Variants in PDCD6IP observed in about 807,000 individuals in gnomAD.
PDCD6IP encodes programmed cell death 6-interacting protein.
In PDCD6IP, 43 loss-of-function variants were observed where a neutral mutation model predicts 103.7. The ratio of observed to expected loss-of-function variants is 0.41; its 90% CI spans 0.32 to 0.53. PDCD6IP has a LOEUF of 0.53. PDCD6IP is among the 20% of genes least tolerant of loss of function. The pLI is 0.16. For missense variants in PDCD6IP, 871 were observed against 1,036.7 expected, an observed-to-expected ratio of 0.84 and a Z score of 2.20; for synonymous variants, 354 against 378.7, an observed-to-expected ratio of 0.93 and a Z score of 0.76.
intron 3 of PDCD6IP, among the ~76,000 whole-genome samples, chr3:33,816,397 C>G (rs186686182): frequency 6.7e-6 from 1 of 149,560 alleles, no homozygotes; most frequent in East Asian, 2.0e-4. Context: ...CCCAGCTACT[C>G]AGGAGGCTGA....
chr3:33,855,084 G>A, intron 14 of PDCD6IP, 82 bp from the exon 15 acceptor site: 1 of 810,506 alleles, frequency 1.2e-6, no homozygotes, highest in South Asian at 1.5e-5. Flanking sequence ...AACTATCATT[G>A]ACAAATTAGC....
chr3:33,833,337 CT>C (rs1282663964), intron 7 of PDCD6IP, among the ~76,000 whole-genome samples: 2 of 152,008 alleles, frequency 1.3e-5, no homozygotes, highest in Non-Finnish European at 2.9e-5. Context: ...AAAGTCCTCA[CT>C]TTGCATTTGA....
intron 7 of PDCD6IP, among the ~76,000 whole-genome samples, chr3:33,830,205 A>G (rs1198251595): frequency 6.6e-6 from 1 of 152,180 alleles, no homozygotes; most frequent in African/African-American, 2.4e-5. Context: ...AAATCAGAGA[A>G]AGTCTTTTTA....
intron 3 of PDCD6IP, among the ~76,000 whole-genome samples, chr3:33,816,599 G>C (rs1237942506): frequency 2.0e-5 from 3 of 151,824 alleles, no homozygotes; most frequent in Admixed American, 6.6e-5. Context: ...GAGTCATTGT[G>C]GCAGAACTCA....
chr3:33,829,388 A>G (rs1204237628), intron 7 of PDCD6IP, among the ~76,000 whole-genome samples: 1 of 152,134 alleles, frequency 6.6e-6, no homozygotes, highest in Admixed American at 6.5e-5. Context: ...GCCATGCTCC[A>G]GGAGTATGTG....
At chr3:33,863,851 C>A in intron 15 of PDCD6IP, 155 bp from the exon 16 acceptor site, 1 of 619,520 alleles carries the variant, frequency 1.6e-6, no homozygotes, top group Non-Finnish European at 2.9e-6. Flanking sequence ...TTTCCATAGT[C>A]ACTGTACTAA....
At chr3:33,805,520 G>A (rs368753339) in intron 1 of PDCD6IP, among the ~76,000 whole-genome samples, 1 of 151,002 alleles carries the variant, frequency 6.6e-6, no homozygotes, top group African/African-American at 2.4e-5. Context: ...CTGCAGCCTC[G>A]ATCTCCTGGG....
At chr3:33,839,728 T>G (rs1054780416) in intron 9 of PDCD6IP, among the ~76,000 whole-genome samples, 61 of 152,356 alleles carry the variant, frequency 4.0e-4, no homozygotes, top group Middle Eastern at 3.4e-3. Flanking sequence ...TCTGCACTGT[T>G]TGAAAATACA....
chr3:33,841,072 G>A (rs1275549879), intron 9 of PDCD6IP, among the ~76,000 whole-genome samples: 1 of 147,382 alleles, frequency 6.8e-6, no homozygotes, highest in East Asian at 2.0e-4. Flanking sequence ...CTGTCGCCCA[G>A]GCTGGAATGC....
chr3:33,823,435 C>G (rs943308317), intron 4 of PDCD6IP, among the ~76,000 whole-genome samples: 1 of 152,164 alleles, frequency 6.6e-6, no homozygotes, highest in Non-Finnish European at 1.5e-5. Context: ...GCATAGATGA[C>G]AAACATAATG....
intron 1 of PDCD6IP, among the ~76,000 whole-genome samples, chr3:33,811,376 G>T (rs1246616406): frequency 2.0e-5 from 3 of 152,308 alleles, no homozygotes; most frequent in African/African-American, 7.2e-5. Flanking sequence ...AAATACCCCT[G>T]ATGAAGGGGT....
intron 5 of PDCD6IP, 125 bp downstream of exon 5, chr3:33,825,465 T>C (rs1458484506): frequency 7.6e-6 from 6 of 792,264 alleles, no homozygotes; most frequent in Non-Finnish European, 1.1e-5. Flanking sequence ...ACATGAATTA[T>C]GGAAAATTTT....
intron 1 of PDCD6IP, among the ~76,000 whole-genome samples, chr3:33,803,823 TC>T (rs1291287746): frequency 6.6e-6 from 1 of 152,220 alleles, no homozygotes; most frequent in Non-Finnish European, 1.5e-5. Flanking sequence ...GTTCCTTTTT[TC>T]TATCTTTTTG....
intron 7 of PDCD6IP, among the ~76,000 whole-genome samples, chr3:33,835,499 T>C (rs1380891519): frequency 6.6e-6 from 1 of 152,206 alleles, no homozygotes; most frequent in Non-Finnish European, 1.5e-5. Flanking sequence ...GGCAGATCAC[T>C]TAAGATCAGG....
At chr3:33,859,418 G>A (rs557988364) in intron 15 of PDCD6IP, among the ~76,000 whole-genome samples, 19 of 151,904 alleles carry the variant, frequency 1.3e-4, no homozygotes, top group Admixed American at 3.3e-4. Context: ...GACAAATTGG[G>A]AATCCAATAT....
intron 3 of PDCD6IP, among the ~76,000 whole-genome samples, chr3:33,817,783 TAAAAG>T (rs1001983851): frequency 5.3e-5 from 8 of 151,076 alleles, no homozygotes; most frequent in South Asian, 2.1e-4. Context: ...AAGAAAAACT[TAAAAG>T]AGAGCAAGTA....
At chr3:33,801,301 A>G (rs1456046513) in intron 1 of PDCD6IP, among the ~76,000 whole-genome samples, 3 of 152,190 alleles carry the variant, frequency 2.0e-5, no homozygotes, top group African/African-American at 7.2e-5. Flanking sequence ...TTTTAACTTA[A>G]TGAACTTTTT....
At chr3:33,844,058 A>T in intron 10 of PDCD6IP, 54 bp from the exon 11 acceptor site, 3 of 1,079,984 alleles carry the variant, frequency 2.8e-6, no homozygotes, top group Non-Finnish European at 2.8e-6. Flanking sequence ...TAAATGTATT[A>T]AAGTTTTTAT....
chr3:33,839,146 G>A (rs1026999360), intron 9 of PDCD6IP, among the ~76,000 whole-genome samples: 36 of 152,016 alleles, frequency 2.4e-4, no homozygotes, highest in African/African-American at 8.2e-4. Flanking sequence ...CCATGTAACC[G>A]GCACTATGAT....
Sources: gnomAD v4.1 joint callset for allele counts (sites outside exome capture counted in the v4.1 genomes callset) on GRCh38, gnomAD v4.1.1 for gene constraint, MANE v1.5 for transcripts, NCBI Gene and HGNC (gene_info 2026-07-23, HGNC 2026-07-21) for gene names.